Variants in SLC12A6 observed in about 807,000 individuals in gnomAD.
The protein encoded by SLC12A6 is solute carrier family 12 member 6, also known as K-Cl cotransporter 3.
SLC12A6 carries 66 observed loss-of-function variants against 135.3 expected under a neutral mutation model. That is an observed-to-expected ratio of 0.49 (90% CI 0.40 to 0.60). The LOEUF (loss-of-function observed/expected upper bound fraction) is 0.60, where lower values mean the gene tolerates loss of function less well. Ranked by LOEUF, SLC12A6 falls within the 20% of genes least tolerant of loss-of-function variation. The pLI is 0.00. For missense variants in SLC12A6, 1,058 were observed against 1,452.3 expected, an observed-to-expected ratio of 0.73 and a Z score of 4.41; for synonymous variants, 513 against 508.8, an observed-to-expected ratio of 1.01 and a Z score of -0.11.
intron 10 of SLC12A6, among the ~76,000 whole-genome samples, chr15:34,251,469 G>C (rs1240630523): frequency 6.6e-6 from 1 of 151,962 alleles, no homozygotes; most frequent in Admixed American, 6.6e-5. Context: ...GGATGGTCTC[G>C]ATCTCCTGAC....
At chr15:34,330,994 A>C (rs1294382970) in intron 2 of SLC12A6, among the ~76,000 whole-genome samples, 1 of 151,960 alleles carries the variant, frequency 6.6e-6, no homozygotes, top group Admixed American at 6.6e-5. Context: ...ATGAGTGGAG[A>C]CCGCACCATT....
intron 9 of SLC12A6, among the ~76,000 whole-genome samples, chr15:34,253,591 T>C (rs1044408972): frequency 3.3e-5 from 5 of 152,198 alleles, no homozygotes; most frequent in Admixed American, 6.5e-5. Flanking sequence ...GGTAAGTCAT[T>C]AAACCTACTG....
At chr15:34,246,826 G>C (rs1169485994) in intron 13 of SLC12A6, among the ~76,000 whole-genome samples, 1 of 151,978 alleles carries the variant, frequency 6.6e-6, no homozygotes, top group African/African-American at 2.4e-5. Context: ...TTTTACAAAA[G>C]TTTCTGTAGA....
Position 34,331,291 on chromosome 15 carries a change from C to T in SLC12A6, c.271+5119G>A, listed in dbSNP as rs1032394110. Among the ~76,000 whole-genome samples the T allele has an allele frequency of 8.5e-5, 13 of 152,218 alleles. 1 individual carries two copies. Among genetic ancestry groups the T allele is most frequent in the Admixed American group, 2.0e-4 (3 of 15,296 alleles). On this transcript the variant is annotated intron_variant, in intron 2 of 25. Coordinates refer to ENST00000354181, the MANE Select transcript of SLC12A6 (RefSeq NM_001365088.1). ...AGTAGCTGAGATTATAAGCATGCAC[C>T]GCAACACCTGGCTAAGTTTTCATAT... is the stretch of plus-strand genomic sequence containing the variant.
At position 34,327,551 on chromosome 15, in the gene SLC12A6, A is replaced by G. The variant is rs1310272488; in HGVS notation, c.271+8859T>C. 3.3e-5 allele frequency among the ~76,000 whole-genome samples: 5 copies of G among 151,990 alleles called. 1 individual carries two copies. In the South Asian group the frequency reaches 1.0e-3, roughly 32 times the overall value. The stretch of plus-strand genomic sequence containing the variant: ...CATGCGCCTGTAATCCCAGCTACTC[A>G]GGAGGCTGAGGGAGGAGAACTGCTT... On this transcript the variant is annotated intron_variant, in intron 2 of 25. Coordinates refer to ENST00000354181, the MANE Select transcript of SLC12A6 (RefSeq NM_001365088.1).
chr15:34,260,480 G>A (rs1457969973), intron 4 of SLC12A6, among the ~76,000 whole-genome samples: 2 of 152,124 alleles, frequency 1.3e-5, no homozygotes, highest in African/African-American at 4.8e-5. Context: ...GGATGGTCTC[G>A]ATCTCCTAAC....
chr15:34,299,718 T>C (rs1192319935), intron 2 of SLC12A6: 1 of 152,184 alleles, frequency 6.6e-6, no homozygotes, highest in Admixed American at 6.5e-5. Context: ...TTCAAGAACA[T>C]TCATTATATC....
chr15:34,248,946 T>C (rs1260954307), intron 13 of SLC12A6, among the ~76,000 whole-genome samples: 1 of 152,038 alleles, frequency 6.6e-6, no homozygotes, highest in African/African-American at 2.4e-5. Context: ...GGAGACATAA[T>C]AAGACATATT....
chr15:34,271,631 A>ACACACACAG lies in SLC12A6; in HGVS notation c.316+3713_316+3714insCTGTGTGTG, dbSNP rs914018238. ...CACACACACACACACACACACACAG[A>ACACACACAG]AAAGTTCATAAATCACAGGTGTACA... On this transcript the variant is annotated intron_variant, in intron 3 of 25. Coordinates refer to ENST00000354181, the MANE Select transcript of SLC12A6 (RefSeq NM_001365088.1). Among the ~76,000 whole-genome samples the ACACACACAG allele has an allele frequency of 3.3e-5, 5 of 152,158 alleles. No individual in the cohort carries two copies. In the South Asian group the frequency reaches 1.0e-3, roughly 32 times the overall value.
chr15:34,322,879 G>A (rs947994216), intron 2 of SLC12A6, among the ~76,000 whole-genome samples: 12 of 149,564 alleles, frequency 8.0e-5, no homozygotes, highest in Admixed American at 3.3e-4. Flanking sequence ...TCGGGAGGCT[G>A]AGGCAGGAGA....
intron 19 of SLC12A6, among the ~76,000 whole-genome samples, chr15:34,239,423 T>C (rs1595405779): frequency 1.3e-5 from 2 of 152,198 alleles, no homozygotes; most frequent in African/African-American, 2.4e-5. Flanking sequence ...TTTGTTCCTT[T>C]GCACCATACC....
intron 9 of SLC12A6, among the ~76,000 whole-genome samples, chr15:34,253,853 T>C (rs1034867514): frequency 6.6e-6 from 1 of 151,664 alleles, no homozygotes. Context: ...CACTAGGGAG[T>C]TGAAGGAGGT....
chr15:34,326,649 G>A (rs969825262), intron 2 of SLC12A6, among the ~76,000 whole-genome samples: 4 of 150,900 alleles, frequency 2.7e-5, no homozygotes, highest in Admixed American at 6.6e-5. Context: ...TTCTTTTTAC[G>A]AACATAGAAT....
intron 2 of SLC12A6, among the ~76,000 whole-genome samples, chr15:34,285,512 T>TC (rs548398741): frequency 6.6e-6 from 1 of 151,898 alleles, no homozygotes; most frequent in South Asian, 2.1e-4. Context: ...ATGATGGTTT[T>TC]TTTTTTTTTC....
chr15:34,255,222 T>C, intron 8 of SLC12A6, 40 bp downstream of exon 8: 2 of 1,462,508 alleles, frequency 1.4e-6, no homozygotes, highest in Non-Finnish European at 9.6e-7. Context: ...TAAATCAATA[T>C]TTCTTCTATA....
intron 10 of SLC12A6, among the ~76,000 whole-genome samples, chr15:34,251,743 A>G (rs1047719043): frequency 1.3e-5 from 2 of 152,226 alleles, no homozygotes; most frequent in South Asian, 4.1e-4. Flanking sequence ...TGTGCAAAGA[A>G]ATTTATAGAC....
intron 2 of SLC12A6, among the ~76,000 whole-genome samples, chr15:34,305,978 G>A (rs1476333350): frequency 6.6e-6 from 1 of 151,586 alleles, no homozygotes. Flanking sequence ...AGCCAGGATG[G>A]TCTCGATCTC....
Position 34,248,363 on chromosome 15 carries a change from C to G in SLC12A6, c.1649+1935G>C, listed in dbSNP as rs550579549. Among the ~76,000 whole-genome samples the G allele has an allele frequency of 7.2e-5, 11 of 152,132 alleles. 1 individual carries two copies. Among genetic ancestry groups the G allele is most frequent in the Admixed American group, 2.6e-4 (4 of 15,268 alleles). On this transcript the variant is annotated intron_variant, in intron 13 of 25. Transcript: ENST00000354181. The stretch of plus-strand genomic sequence containing the variant: ...TGTGCAAGCATTTCTGTTAGATATA[C>G]CTAGAAGTGGAAATGCTGAGTCATA...
intron 24 of SLC12A6, 71 bp from the exon 25 acceptor site, chr15:34,235,385 G>T: frequency 7.9e-7 from 1 of 1,258,982 alleles, no homozygotes. Context: ...TTAAAAACTT[G>T]AGATCCTGAG....
Sources: allele counts gnomAD v4.1 joint callset (sites outside exome capture counted in the v4.1 genomes callset), GRCh38; gene constraint gnomAD v4.1.1; transcripts MANE v1.5; gene names NCBI Gene and HGNC (gene_info 2026-07-23, HGNC 2026-07-21).